ERC1: variants seen among roughly 807,000 people sequenced by gnomAD.
The protein encoded by ERC1 is RAB6 interacting protein 2.
Under a neutral mutation model 132.0 loss-of-function variants are expected in ERC1, and 56 were observed. The observed-to-expected ratio is 0.42, with a 90% CI of 0.34 to 0.53. The LOEUF (loss-of-function observed/expected upper bound fraction) is 0.53. Ranked by LOEUF, ERC1 falls within the 20% of genes least tolerant of loss-of-function variation. ERC1 has a pLI of 0.03. For missense variants in ERC1, 1,202 were observed against 1,349.9 expected (o/e 0.89, Z 1.72); for synonymous variants, 478 against 476.1 (o/e 1.00, Z -0.05).
At chr12:1,399,115 AT>A (rs1031505809) in intron 16 of ERC1, among the ~76,000 whole-genome samples, 2 of 147,678 alleles carry the variant, frequency 1.4e-5, no homozygotes, top group African/African-American at 5.0e-5. Flanking sequence ...ATGCCCAGCA[AT>A]TTTTTTTTAT....
intron 14 of ERC1, among the ~76,000 whole-genome samples, chr12:1,273,128 G>C (rs1010658096): frequency 2.6e-5 from 4 of 152,070 alleles, no homozygotes; most frequent in Non-Finnish European, 5.9e-5. Context: ...ACTAAGCATT[G>C]GTTTTAGAAC....
intron 17 of ERC1, among the ~76,000 whole-genome samples, chr12:1,437,151 G>A (rs546945971): frequency 6.6e-6 from 1 of 152,326 alleles, no homozygotes; most frequent in South Asian, 2.1e-4. Flanking sequence ...TGGAATTTCT[G>A]AGTGCAGCAG....
intron 15 of ERC1, among the ~76,000 whole-genome samples, chr12:1,352,999 C>G (rs1016776214): frequency 6.7e-6 from 1 of 150,190 alleles, no homozygotes; most frequent in Non-Finnish European, 1.5e-5. Context: ...TTATTGGGTA[C>G]GAGAAGCAAT....
chr12:1,024,543 A>G (rs1217651307), intron 1 of ERC1, among the ~76,000 whole-genome samples: 2 of 152,174 alleles, frequency 1.3e-5, no homozygotes, highest in Non-Finnish European at 2.9e-5. Flanking sequence ...ATTTTTGACA[A>G]TATGATTTAC....
At chr12:1,148,183 A>G (rs1209976208) in intron 8 of ERC1, among the ~76,000 whole-genome samples, 2 of 152,178 alleles carry the variant, frequency 1.3e-5, no homozygotes, top group African/African-American at 4.8e-5. Context: ...AAATTTTTAG[A>G]AAAGTTTTTG....
At chr12:1,156,121 T>C (rs920944796) in intron 8 of ERC1, among the ~76,000 whole-genome samples, 4 of 152,144 alleles carry the variant, frequency 2.6e-5, no homozygotes, top group Non-Finnish European at 5.9e-5. Flanking sequence ...ATATACAGCT[T>C]TATCTCATCT....
At chr12:1,231,610 A>G (rs2075044153) in intron 12 of ERC1, among the ~76,000 whole-genome samples, 1 of 148,316 alleles carries the variant, frequency 6.7e-6, no homozygotes, top group South Asian at 2.1e-4. Flanking sequence ...AGTGCGATGA[A>G]CTCTGTCAGC....
chr12:1,473,711 C>A (rs1423521316), intron 18 of ERC1, among the ~76,000 whole-genome samples: 1 of 151,882 alleles, frequency 6.6e-6, no homozygotes, highest in Non-Finnish European at 1.5e-5. Flanking sequence ...ACTTCCGGCC[C>A]ACTTGCACAG....
chr12:1,009,946 T>C (rs891738300), intron 1 of ERC1, among the ~76,000 whole-genome samples: 1 of 152,224 alleles, frequency 6.6e-6, no homozygotes, highest in African/African-American at 2.4e-5. Flanking sequence ...AACTTTAAAA[T>C]GCATGATGGT....
chr12:1,407,652 A>G (rs1031886455), intron 16 of ERC1, among the ~76,000 whole-genome samples: 4 of 152,238 alleles, frequency 2.6e-5, no homozygotes, highest in Non-Finnish European at 1.5e-5. Context: ...ATAAAATGCC[A>G]TTAACTGGAT....
intron 12 of ERC1, among the ~76,000 whole-genome samples, chr12:1,221,609 G>A (rs369980021): frequency 8.8e-4 from 134 of 152,158 alleles, no homozygotes; most frequent in Middle Eastern, 3.4e-3. Flanking sequence ...ATATGGTTCC[G>A]TGAAAATAAA....
chr12:1,317,417 G>A (rs947852595), intron 15 of ERC1, among the ~76,000 whole-genome samples: 4 of 152,170 alleles, frequency 2.6e-5, no homozygotes, highest in Non-Finnish European at 5.9e-5. Flanking sequence ...CAGGGGCTAG[G>A]AAAGGGATAG....
intron 1 of ERC1, among the ~76,000 whole-genome samples, chr12:992,293 G>C (rs1565729578): frequency 6.6e-6 from 1 of 152,214 alleles, no homozygotes; most frequent in Non-Finnish European, 1.5e-5. Flanking sequence ...AATAGTTGCA[G>C]GTGGTTGTGG....
intron 17 of ERC1, chr12:1,410,347 C>T: frequency 2.1e-6 from 2 of 934,220 alleles, no homozygotes; most frequent in Admixed American, 2.3e-5. Context: ...TCATTCCATG[C>T]TGCCCTGGGG....
chr12:1,449,889 A>G (rs2093386658), intron 18 of ERC1, among the ~76,000 whole-genome samples: 1 of 149,554 alleles, frequency 6.7e-6, no homozygotes, highest in African/African-American at 2.5e-5. Flanking sequence ...ATTTTATTTT[A>G]TTTCCACTAG....
At chr12:1,388,592 G>C (rs1333458388) in intron 16 of ERC1, among the ~76,000 whole-genome samples, 1 of 152,148 alleles carries the variant, frequency 6.6e-6, no homozygotes, top group Non-Finnish European at 1.5e-5. Flanking sequence ...ACTTGCTCCT[G>C]TAGGGGATGC....
intron 16 of ERC1, among the ~76,000 whole-genome samples, chr12:1,403,605 T>G (rs1046695927): frequency 3.9e-5 from 6 of 152,202 alleles, no homozygotes; most frequent in African/African-American, 1.2e-4. Flanking sequence ...TTCTTACAAC[T>G]GTTTTTTTCA....
At chr12:1,377,478 G>A (rs1166105601) in intron 16 of ERC1, among the ~76,000 whole-genome samples, 3 of 152,150 alleles carry the variant, frequency 2.0e-5, no homozygotes, top group African/African-American at 7.2e-5. Context: ...ATGATAACAC[G>A]ATTCAATGCT....
chr12:1,417,844 G>C (rs904374593), intron 17 of ERC1, among the ~76,000 whole-genome samples: 2 of 150,664 alleles, frequency 1.3e-5, no homozygotes, highest in East Asian at 3.9e-4. Flanking sequence ...GGGAAATAAA[G>C]AGTAAATGAT....
Sources: allele counts gnomAD v4.1 joint callset (sites outside exome capture counted in the v4.1 genomes callset), GRCh38; gene constraint gnomAD v4.1.1; transcripts MANE v1.5; gene names NCBI Gene and HGNC (gene_info 2026-07-23, HGNC 2026-07-21).